DERL1: variants seen among roughly 807,000 people sequenced by gnomAD.
DERL1 encodes the protein derlin-1.
In DERL1, 24 loss-of-function variants were observed where a neutral mutation model predicts 41.6. The ratio of observed to expected loss-of-function variants is 0.58; its 90% CI spans 0.42 to 0.81. DERL1 has a LOEUF of 0.81. Among genes scored for constraint, DERL1 ranks in the 30% least tolerant of loss-of-function variants. The probability of loss-of-function intolerance (pLI) is 0.00; values close to 1 mark genes in which losing one functional copy is unlikely to be tolerated. For missense variants in DERL1, 260 were observed against 314.3 expected, an observed-to-expected ratio of 0.83 and a Z score of 1.31; for synonymous variants, 124 against 112.5, an observed-to-expected ratio of 1.10 and a Z score of -0.65.
intron 1 of DERL1, among the ~76,000 whole-genome samples, chr8:123,035,693 A>G (rs1812910502): frequency 6.6e-6 from 1 of 152,236 alleles, no homozygotes; most frequent in Non-Finnish European, 1.5e-5. Flanking sequence ...TAACAAGGAC[A>G]TGTAGCCCAT....
rs35739385 is a variant in DERL1 at position 123,032,919 on chromosome 8, AGT to A, written c.154-2205_154-2204del. On this transcript the variant is annotated intron_variant, in intron 1 of 7. Transcript: ENST00000259512. ...CAGTCTGTTGCTCAGGCTGGAGCGCAGTGTTTTGACCACAGCTCACTGTAACC... is the reference window on the plus strand; with the variant it reads ...CAGTCTGTTGCTCAGGCTGGAGCGCAGTTTTGACCACAGCTCACTGTAACC... Among the ~76,000 whole-genome samples, 581 of 145,492 alleles carry A rather than the reference AGT, an allele frequency of 4.0e-3. 4 individuals are homozygous for A. The highest frequency in any genetic ancestry group is 6.4e-3 in the Non-Finnish European group (431 of 67,030).
intron 2 of DERL1, among the ~76,000 whole-genome samples, chr8:123,026,553 A>T (rs1205311017): frequency 1.3e-5 from 2 of 152,222 alleles, no homozygotes; most frequent in African/African-American, 4.8e-5. Flanking sequence ...TTTTGTCAAG[A>T]TGTTAACTTA....
chr8:123,038,242 G>A (rs1403800858), intron 1 of DERL1, among the ~76,000 whole-genome samples: 1 of 152,098 alleles, frequency 6.6e-6, no homozygotes, highest in Non-Finnish European at 1.5e-5. Flanking sequence ...AGCTTCTAAG[G>A]AAAAAAGGAA....
chr8:123,030,396 A>G, intron 2 of DERL1: 1 of 414,720 alleles, frequency 2.4e-6, no homozygotes, highest in Non-Finnish European at 4.2e-6. Context: ...TAAAATGGTA[A>G]CACTGCTACT....
rs554994983 is a variant in DERL1 at position 123,037,668 on chromosome 8, C to T, written c.153+4302G>A. On this transcript the variant is annotated intron_variant, in intron 1 of 7. Coordinates refer to ENST00000259512, the MANE Select transcript of DERL1 (RefSeq NM_024295.6). The stretch of plus-strand genomic sequence containing the variant: ...TGTTTTGCTACATACTTATTTTTTT[C>T]GTAGATATTATGCAAAGGAGTTAAA... 2.2e-4 allele frequency among the ~76,000 whole-genome samples: 33 copies of T among 152,070 alleles called. 1 individual carries two copies. Among genetic ancestry groups the T allele is most frequent in the African/African-American group, 7.7e-4 (32 of 41,514 alleles).
intron 2 of DERL1, among the ~76,000 whole-genome samples, chr8:123,026,437 G>A (rs1215186084): frequency 6.6e-6 from 1 of 152,086 alleles, no homozygotes; most frequent in Non-Finnish European, 1.5e-5. Flanking sequence ...CAAATTAACT[G>A]GTTTCAAATT....
chr8:123,023,856 G>A lies in DERL1; in HGVS notation c.331-117C>T, dbSNP rs909927390. On this transcript the variant is annotated intron_variant, in intron 3 of 7. Transcript: ENST00000259512. ...CTTGGCCAGGTGTAATTTGGCTCAT[G>A]CTTGTAATCTCTGTACTTTGGAAGG... 8.7e-6 allele frequency: 10 copies of A among 1,148,700 alleles called. No homozygotes were observed. In the South Asian group the frequency reaches 1.1e-4, roughly 13 times the overall value. The allele number at this position is 1,148,700 out of a possible 1,614,324, so 71.2% of individuals were successfully genotyped here.
intron 6 of DERL1, among the ~76,000 whole-genome samples, chr8:123,021,007 G>T (rs981482922): frequency 6.6e-6 from 1 of 150,738 alleles, no homozygotes; most frequent in Non-Finnish European, 1.5e-5. Flanking sequence ...CAAACCACTT[G>T]CAAAATTATA....
At chr8:123,016,977 C>A (rs142197230) in intron 7 of DERL1, 1 of 152,164 alleles carries the variant, frequency 6.6e-6, no homozygotes, top group African/African-American at 2.4e-5. Context: ...GTAGCTGGGA[C>A]AACAGGCGCC....
intron 7 of DERL1, chr8:123,016,234 G>T (rs759340596): frequency 1.3e-5 from 2 of 152,128 alleles, no homozygotes; most frequent in Non-Finnish European, 2.9e-5. Context: ...AGAGTTCACA[G>T]AACAGCTAAG....
In DERL1 at chr8:123,023,791, C is replaced by T. The variant is rs1481544278; in HGVS notation, c.331-52G>A. ...CATAAAAAAGCATTCTGTACCTAGTCAAGACTGATGTGGTTATTTTCCTCC... is the reference window on the plus strand; with the variant it reads ...CATAAAAAAGCATTCTGTACCTAGTTAAGACTGATGTGGTTATTTTCCTCC... On this transcript the variant is annotated intron_variant, in intron 3 of 7. Coordinates refer to ENST00000259512, the MANE Select transcript of DERL1 (RefSeq NM_024295.6). 9 of 1,585,550 alleles carry T rather than the reference C, an allele frequency of 5.7e-6. No homozygotes were observed. The Admixed American group carries it at 1.6e-4, about 28-fold the overall frequency.
In DERL1 at chr8:123,015,285, A is replaced by T; in HGVS notation, c.*162T>A. The T allele has an allele frequency of 1.0e-6, 1 of 962,554 alleles. No individual in the cohort carries two copies. Among genetic ancestry groups the T allele is most frequent in the Non-Finnish European group, 1.5e-6 (1 of 675,768 alleles). 59.6% of individuals were successfully genotyped at this position (962,554 alleles called of 1,614,324 possible). A position where few individuals can be genotyped will look rare whatever the true frequency, so the allele number is the denominator to read the frequency against. On this transcript the variant is annotated 3_prime_UTR_variant, in exon 8 of 8. Transcript: ENST00000259512. ...ATGAGAATCGTGAAACTTGTGGAAC[A>T]CTTATATTTTTCTTCGGGATTTAAG...
intron 1 of DERL1, among the ~76,000 whole-genome samples, chr8:123,037,355 A>T (rs2130495561): frequency 6.6e-6 from 1 of 152,300 alleles, no homozygotes; most frequent in Admixed American, 6.5e-5. Flanking sequence ...CGTTGAATGT[A>T]ATTTCTACTC....
At chr8:123,034,505 A>T (rs768947308) in intron 1 of DERL1, among the ~76,000 whole-genome samples, 1 of 152,146 alleles carries the variant, frequency 6.6e-6, no homozygotes, top group Non-Finnish European at 1.5e-5. Flanking sequence ...GCTTATTTAC[A>T]CGCACTGATT....
Position 123,021,462 on chromosome 8 carries a change from T to C in DERL1, c.491A>G (p.Tyr164Cys), listed in dbSNP as rs769685055. ...TATCACTTACGAGCCTCCGATGATATAGTTGAATCCAAGGATAACCCAGGG... is the reference window on the plus strand; with the variant it reads ...TATCACTTACGAGCCTCCGATGATACAGTTGAATCCAAGGATAACCCAGGG... ...YLPWVILGFNYIIGGSVINEL... is the reference protein window; with the variant it reads ...YLPWVILGFNCIIGGSVINEL... The change falls in exon 6 of 8, where the codon TAT (tyrosine) becomes TGT (cysteine). Residue 164 changes from tyrosine to cysteine, a missense_variant. Transcript: ENST00000259512. The C allele has an allele frequency of 1.1e-5, 18 of 1,613,688 alleles. No individual in the cohort carries two copies. The highest frequency in any genetic ancestry group is 1.3e-5 in the African/African-American group (1 of 74,914).
chr8:123,037,044 C>T (rs964692988), intron 1 of DERL1, among the ~76,000 whole-genome samples: 1 of 152,176 alleles, frequency 6.6e-6, no homozygotes, highest in Admixed American at 6.5e-5. Context: ...AATCATCCAG[C>T]AGTTACATTT....
chr8:123,021,067 A>G (rs1257634548), intron 6 of DERL1, among the ~76,000 whole-genome samples: 1 of 152,154 alleles, frequency 6.6e-6, no homozygotes, highest in Non-Finnish European at 1.5e-5. Flanking sequence ...TTTCCAAGGC[A>G]TTCTGGAAAT....
intron 1 of DERL1, among the ~76,000 whole-genome samples, chr8:123,041,077 A>G (rs566786423): frequency 6.6e-6 from 1 of 152,346 alleles, no homozygotes; most frequent in South Asian, 2.1e-4. Context: ...AGTCTATAGA[A>G]AAGGTCCTAT....
intron 6 of DERL1, 110 bp from the exon 7 acceptor site, chr8:123,019,415 G>T: frequency 1.4e-6 from 1 of 732,652 alleles, no homozygotes. Context: ...TTAGTCCCTG[G>T]GAGTCTGTGA....
Sources: allele counts gnomAD v4.1 joint callset (sites outside exome capture counted in the v4.1 genomes callset), GRCh38; gene constraint gnomAD v4.1.1; transcripts MANE v1.5; gene names NCBI Gene and HGNC (gene_info 2026-07-23, HGNC 2026-07-21).